SDK2: variants seen among roughly 807,000 people sequenced by gnomAD.
SDK2 encodes sidekick cell adhesion molecule 2, also known as protein sidekick-2.
In SDK2, 105 loss-of-function variants were observed where a neutral mutation model predicts 253.9. That is an observed-to-expected ratio of 0.41 (90% confidence interval 0.35 to 0.49). The LOEUF (loss-of-function observed/expected upper bound fraction) is 0.49, where lower values mean the gene tolerates loss of function less well. Among genes scored for constraint, SDK2 ranks in the 20% least tolerant of loss-of-function variants. The probability of loss-of-function intolerance (pLI) is 0.06; values close to 1 mark genes in which losing one functional copy is unlikely to be tolerated. For synonymous variants in SDK2, 1,249 were observed against 1,234.9 expected, an observed-to-expected ratio of 1.01 and a Z score of -0.24; for missense variants, 2,608 against 3,003.0, an observed-to-expected ratio of 0.87 and a Z score of 3.07.
At chr17:73,483,683 T>TTATA (rs1371637082) in intron 2 of SDK2, among the ~76,000 whole-genome samples, 1 of 41,580 alleles carries the variant, frequency 2.4e-5, no homozygotes, top group African/African-American at 1.0e-4. Context: ...ATATATATAT[T>TTATA]TATATATATA....
chr17:73,347,343 G>A (rs949270856), intron 44 of SDK2, among the ~76,000 whole-genome samples: 5 of 152,094 alleles, frequency 3.3e-5, no homozygotes, highest in African/African-American at 7.2e-5. Context: ...GCAAGACCCT[G>A]GCTTAACAAC....
chr17:73,448,129 T>A (rs1185384160), intron 4 of SDK2, among the ~76,000 whole-genome samples: 1 of 152,234 alleles, frequency 6.6e-6, no homozygotes, highest in Non-Finnish European at 1.5e-5. Flanking sequence ...TTCTGCATGA[T>A]GTACATCCAG....
chr17:73,506,840 T>A (rs886740275), intron 2 of SDK2, among the ~76,000 whole-genome samples: 4 of 152,212 alleles, frequency 2.6e-5, no homozygotes. Context: ...CTATTCTCTT[T>A]CCCTGCTCTT....
In SDK2 at chr17:73,421,573, CTTTTTTTT is replaced by C. The variant is rs36068491; in HGVS notation, c.2045+706_2045+713del. ...TCTGCAGCTTTTATTCAATTTCCAT[CTTTTTTTT>C]TTTTTTTTTTTTTTGAGACAGTCTT... On this transcript the variant is annotated intron_variant, in intron 15 of 44. Transcript: ENST00000392650. 1.2e-4 allele frequency among the ~76,000 whole-genome samples: 11 copies of C among 90,788 alleles called. No individual in the cohort carries two copies. The East Asian group carries it at 1.8e-3, about 15-fold the overall frequency. The allele number at this position is 90,788 out of a possible 152,430, so 59.6% of individuals were successfully genotyped here. A position where few individuals can be genotyped will look rare whatever the true frequency, so the allele number is the denominator to read the frequency against.
intron 3 of SDK2, among the ~76,000 whole-genome samples, chr17:73,459,427 C>T (rs927334263): frequency 2.0e-5 from 3 of 152,230 alleles, no homozygotes. Flanking sequence ...CGTCCTGCCA[C>T]CTCCCACCCC....
intron 29 of SDK2, 92 bp from the exon 30 acceptor site, chr17:73,388,129 G>A (rs1362143387): frequency 4.5e-6 from 4 of 890,340 alleles, no homozygotes; most frequent in Non-Finnish European, 7.0e-6. Flanking sequence ...GAGGTGATCT[G>A]GGCTCAGGCC....
At position 73,368,403 on chromosome 17, in the gene SDK2, C is replaced by A; in HGVS notation, c.5167+4G>T. The A allele has an allele frequency of 6.6e-7, 1 of 1,525,386 alleles. No homozygotes were observed. Among genetic ancestry groups the A allele is most frequent in the Admixed American group, 2.0e-5 (1 of 49,804 alleles). The allele number at this position is 1,525,386 out of a possible 1,614,324, so 94.5% of individuals were successfully genotyped here. On this transcript the variant is annotated splice_donor_region_variant and intron_variant, in intron 37 of 44. Coordinates refer to ENST00000392650, the MANE Select transcript of SDK2 (RefSeq NM_001144952.2). ...CCTCCCCTCCTCAGGGCCCCCTCTCCCACCTGCTTGCTGGGTCTGGCCTTG... is the reference window on the plus strand; with the variant it reads ...CCTCCCCTCCTCAGGGCCCCCTCTCACACCTGCTTGCTGGGTCTGGCCTTG...
At chr17:73,413,749 A>G (rs2063157503) in intron 18 of SDK2, among the ~76,000 whole-genome samples, 1 of 152,228 alleles carries the variant, frequency 6.6e-6, no homozygotes. Flanking sequence ...TTAGTTATTC[A>G]GCGGTGCGAG....
chr17:73,378,760 G>A (rs559795897), intron 36 of SDK2, among the ~76,000 whole-genome samples: 2 of 152,300 alleles, frequency 1.3e-5, no homozygotes, highest in Non-Finnish European at 2.9e-5. Flanking sequence ...ATACTAGGCA[G>A]TGATGCTTTG....
chr17:73,570,984 C>A lies in SDK2; in HGVS notation c.65-63387G>T, dbSNP rs1343319082. ...GTCTGGTCCTGAGTGGCTGCTGGGA[C>A]CTTCCCAATGCCTGGGTGAAACTCC... On this transcript the variant is annotated intron_variant, in intron 1 of 44. Coordinates refer to ENST00000392650, the MANE Select transcript of SDK2 (RefSeq NM_001144952.2). This position sits in a 1 kb window ranked among gnomAD's most constrained non-coding sequence, Gnocchi z 4.2. 6.6e-6 allele frequency among the ~76,000 whole-genome samples: 1 copy of A among 152,078 alleles called. No individual in the cohort carries two copies. The highest frequency in any genetic ancestry group is 6.5e-5 in the Admixed American group (1 of 15,272).
At chr17:73,398,552 AC>A (rs1296831509) in intron 22 of SDK2, 123 bp from the exon 23 acceptor site, 3 of 715,402 alleles carry the variant, frequency 4.2e-6, no homozygotes, top group Admixed American at 5.1e-5. Flanking sequence ...TCTGGAGGGC[AC>A]CATATGGGGC....
Position 73,431,723 on chromosome 17 carries a change from C to T in SDK2, c.1313-54G>A, listed in dbSNP as rs375363469. On this transcript the variant is annotated intron_variant, in intron 10 of 44. Coordinates refer to ENST00000392650, the MANE Select transcript of SDK2 (RefSeq NM_001144952.2). The surrounding 1 kb of genome is among the most constrained non-coding windows in gnomAD (Gnocchi z 5.6). ...CTGTAGCCCCCAAGGGCACACCCTGCCCTTCCCTGGCCGCTCCAGGGCAGC... is the reference window on the plus strand; with the variant it reads ...CTGTAGCCCCCAAGGGCACACCCTGTCCTTCCCTGGCCGCTCCAGGGCAGC... The T allele has an allele frequency of 4.6e-4, 699 of 1,515,454 alleles. No homozygotes were observed. Among genetic ancestry groups the T allele is most frequent in the Non-Finnish European group, 6.0e-4 (682 of 1,132,264 alleles). 93.9% of individuals were successfully genotyped at this position (1,515,454 alleles called of 1,614,324 possible).
At chr17:73,630,775 CT>C (rs1459793688) in intron 1 of SDK2, among the ~76,000 whole-genome samples, 1 of 152,166 alleles carries the variant, frequency 6.6e-6, no homozygotes, top group Non-Finnish European at 1.5e-5. Flanking sequence ...AACCAGGGCT[CT>C]GCAAGGGAGG....
intron 1 of SDK2, among the ~76,000 whole-genome samples, chr17:73,632,212 G>A (rs1599740538): frequency 6.6e-6 from 1 of 152,220 alleles, no homozygotes; most frequent in African/African-American, 2.4e-5. Context: ...TCTTGGGTGT[G>A]TCTATGAGGG....
At chr17:73,582,296 G>C (rs942218818) in intron 1 of SDK2, among the ~76,000 whole-genome samples, 1 of 148,344 alleles carries the variant, frequency 6.7e-6, no homozygotes, top group African/African-American at 2.6e-5. Flanking sequence ...ACACCACGCA[G>C]GCATCAGCAT....
At chr17:73,466,369 G>A (rs983926500) in intron 3 of SDK2, among the ~76,000 whole-genome samples, 3 of 152,196 alleles carry the variant, frequency 2.0e-5, no homozygotes, top group African/African-American at 4.8e-5. Flanking sequence ...AGGTCAGTCC[G>A]TACTCATGGT....
intron 21 of SDK2, among the ~76,000 whole-genome samples, chr17:73,399,611 G>A (rs973463447): frequency 1.3e-5 from 2 of 152,152 alleles, no homozygotes; most frequent in African/African-American, 4.8e-5. Flanking sequence ...TAATCATAAG[G>A]CAGCTAAAAG....
At chr17:73,545,641 G>A (rs2145828649) in intron 1 of SDK2, among the ~76,000 whole-genome samples, 1 of 152,156 alleles carries the variant, frequency 6.6e-6, no homozygotes, top group East Asian at 1.9e-4. Flanking sequence ...GAGGTTGGGG[G>A]ACAGCACCGC....
intron 1 of SDK2, among the ~76,000 whole-genome samples, chr17:73,627,941 A>G (rs2046222856): frequency 6.6e-6 from 1 of 152,076 alleles, no homozygotes; most frequent in Non-Finnish European, 1.5e-5. Flanking sequence ...AGTCCCAGCT[A>G]CTCGGGAGGC....
Sources: gnomAD v4.1 joint callset for allele counts (sites outside exome capture counted in the v4.1 genomes callset) on GRCh38, gnomAD v4.1.1 for gene constraint, Gnocchi (gnomAD v3.1) non-coding constraint, MANE v1.5 for transcripts, NCBI Gene and HGNC (gene_info 2026-07-23, HGNC 2026-07-21) for gene names.